ELMO1: variants seen among roughly 807,000 people sequenced by gnomAD.
ELMO1 encodes engulfment and cell motility 1.
Under a neutral mutation model 98.9 loss-of-function variants are expected in ELMO1, and 26 were observed. The ratio of observed to expected loss-of-function variants is 0.26; its 90% CI spans 0.19 to 0.36. ELMO1 has a LOEUF of 0.36. Ranked by LOEUF, ELMO1 falls within the 10% of genes least tolerant of loss-of-function variation. The pLI is 1.00. For synonymous variants in ELMO1, 346 were observed against 346.0 expected (o/e 1.00, Z 0.00); for missense variants, 627 against 935.2 (o/e 0.67, Z 4.30).
intron 13 of ELMO1, among the ~76,000 whole-genome samples, chr7:37,188,525 T>C (rs1011314914): frequency 6.2e-5 from 8 of 128,682 alleles, no homozygotes; most frequent in Non-Finnish European, 9.9e-5. Context: ...ATAATAATAA[T>C]AACTAAGAGC....
At chr7:37,249,709 T>G (rs2541076) in intron 6 of ELMO1, among the ~76,000 whole-genome samples, 39,814 of 152,154 alleles carry the variant, frequency 0.26, 5,277 homozygotes, top group Middle Eastern at 0.33. Flanking sequence ...GTATACATAC[T>G]CTGAGTCAGG....
chr7:36,930,798 G>C (rs2129083820), intron 16 of ELMO1, among the ~76,000 whole-genome samples: 1 of 152,232 alleles, frequency 6.6e-6, no homozygotes, highest in South Asian at 2.1e-4. Context: ...AATAAGGCAA[G>C]GGCAAAAACG....
At chr7:37,004,946 T>G (rs1054000804) in intron 16 of ELMO1, among the ~76,000 whole-genome samples, 2 of 151,088 alleles carry the variant, frequency 1.3e-5, no homozygotes, top group Non-Finnish European at 3.0e-5. Flanking sequence ...TCGTCTCTAC[T>G]AAAAATACAA....
chr7:37,255,037 G>C (rs751179582), intron 6 of ELMO1, among the ~76,000 whole-genome samples: 4 of 152,182 alleles, frequency 2.6e-5, no homozygotes, highest in Non-Finnish European at 5.9e-5. Flanking sequence ...CACATACATA[G>C]CATCAGTTCT....
chr7:37,251,110 G>A (rs1479917566), intron 6 of ELMO1, among the ~76,000 whole-genome samples: 1 of 152,176 alleles, frequency 6.6e-6, no homozygotes, highest in Non-Finnish European at 1.5e-5. Flanking sequence ...AAAACCCAAA[G>A]AAGAGCAGTA....
intron 1 of ELMO1, among the ~76,000 whole-genome samples, chr7:37,420,565 G>C (rs1434023371): frequency 6.6e-6 from 1 of 152,214 alleles, no homozygotes; most frequent in African/African-American, 2.4e-5. Context: ...TACATTGCCT[G>C]GCCTTTCCTG....
chr7:37,042,751 C>A (rs1795591820), intron 15 of ELMO1, among the ~76,000 whole-genome samples: 1 of 152,106 alleles, frequency 6.6e-6, no homozygotes, highest in African/African-American at 2.4e-5. Flanking sequence ...TTCCCTTGGC[C>A]TGGAATATTC....
chr7:37,401,424 T>C (rs951302526), intron 1 of ELMO1, among the ~76,000 whole-genome samples: 5 of 152,188 alleles, frequency 3.3e-5, no homozygotes, highest in African/African-American at 1.2e-4. Flanking sequence ...TTCTGACTTT[T>C]CTTTGAAGCA....
chr7:37,344,837 C>T (rs973706288), intron 1 of ELMO1, among the ~76,000 whole-genome samples: 2 of 152,214 alleles, frequency 1.3e-5, no homozygotes, highest in African/African-American at 4.8e-5. Context: ...ACAGTCCAAA[C>T]ATTTGTCCCT....
chr7:37,174,019 A>C (rs1790355244), intron 13 of ELMO1, among the ~76,000 whole-genome samples: 3 of 152,350 alleles, frequency 2.0e-5, no homozygotes, highest in East Asian at 3.9e-4. Flanking sequence ...ACTGATACTC[A>C]GCCCTGCTCT....
At position 37,216,704 on chromosome 7, in the gene ELMO1, G is replaced by C; in HGVS notation, c.781-9C>G. 6.2e-7 allele frequency: 1 copy of C among 1,614,102 alleles called. No homozygotes were observed. On this transcript the variant is annotated splice_polypyrimidine_tract_variant and intron_variant, in intron 10 of 21. Coordinates refer to ENST00000310758, the MANE Select transcript of ELMO1 (RefSeq NM_014800.11). ...AAAATATTCGCCATCTCCTGTGGAAGAAAAACACACCCACACAAAGGCTTA... is the reference window on the plus strand; with the variant it reads ...AAAATATTCGCCATCTCCTGTGGAACAAAAACACACCCACACAAAGGCTTA...
chr7:36,997,132 G>A (rs1455311135), intron 16 of ELMO1, among the ~76,000 whole-genome samples: 5 of 151,996 alleles, frequency 3.3e-5, no homozygotes, highest in African/African-American at 7.2e-5. Context: ...TGATGGTGGC[G>A]GGAAGGCAGG....
intron 2 of ELMO1, among the ~76,000 whole-genome samples, chr7:37,334,548 G>C (rs1037201910): frequency 1.3e-5 from 2 of 152,188 alleles, no homozygotes; most frequent in African/African-American, 4.8e-5. Flanking sequence ...GCAAGTTAAT[G>C]AACCTTTGAA....
At chr7:37,403,517 A>G (rs1478910452) in intron 1 of ELMO1, among the ~76,000 whole-genome samples, 2 of 152,140 alleles carry the variant, frequency 1.3e-5, no homozygotes, top group East Asian at 3.9e-4. Flanking sequence ...AACAGTAGCT[A>G]CATGACACGG....
chr7:37,228,935 T>C (rs1020996743), intron 8 of ELMO1, among the ~76,000 whole-genome samples: 4 of 152,116 alleles, frequency 2.6e-5, no homozygotes, highest in Non-Finnish European at 5.9e-5. Context: ...GAGGTTGCAG[T>C]GAGCCAAGAT....
intron 15 of ELMO1, among the ~76,000 whole-genome samples, chr7:37,076,237 A>AT (rs948107166): frequency 2.0e-4 from 30 of 152,066 alleles, no homozygotes; most frequent in Middle Eastern, 3.4e-3. Flanking sequence ...CCTTCCAGTT[A>AT]TTTTTTTTCC....
At chr7:37,395,605 A>C (rs1208219823) in intron 1 of ELMO1, among the ~76,000 whole-genome samples, 1 of 152,118 alleles carries the variant, frequency 6.6e-6, no homozygotes, top group East Asian at 1.9e-4. Flanking sequence ...TGCAGTAATA[A>C]AAAGCTGAAC....
intron 14 of ELMO1, among the ~76,000 whole-genome samples, chr7:37,123,952 C>T (rs1786295428): frequency 6.6e-6 from 1 of 152,202 alleles, no homozygotes. Flanking sequence ...ATCAAGTGGG[C>T]TTCATCCCTG....
chr7:37,100,223 T>A (rs911595360), intron 14 of ELMO1, among the ~76,000 whole-genome samples: 1 of 152,230 alleles, frequency 6.6e-6, no homozygotes, highest in African/African-American at 2.4e-5. Context: ...AAGTTGTCTA[T>A]AAGCCCTGTT....
Sources: allele counts gnomAD v4.1 joint callset (sites outside exome capture counted in the v4.1 genomes callset), GRCh38; gene constraint gnomAD v4.1.1; transcripts MANE v1.5; gene names NCBI Gene and HGNC (gene_info 2026-07-23, HGNC 2026-07-21).